Variants in TOX observed in about 807,000 individuals in gnomAD.
The protein encoded by TOX is thymocyte selection-associated high mobility group box protein TOX.
TOX carries 11 observed loss-of-function variants against 53.7 expected under a neutral mutation model. That is an observed-to-expected ratio of 0.20 (90% confidence interval 0.13 to 0.34). The LOEUF (loss-of-function observed/expected upper bound fraction) is 0.34. TOX is among the 10% of genes least tolerant of loss of function. TOX has a pLI of 1.00. For synonymous variants in TOX, 225 were observed against 245.3 expected, an observed-to-expected ratio of 0.92 and a Z score of 0.77; for missense variants, 570 against 664.6, an observed-to-expected ratio of 0.86 and a Z score of 1.56.
At chr8:58,811,374 T>C (rs912361370) in intron 7 of TOX, among the ~76,000 whole-genome samples, 2 of 152,188 alleles carry the variant, frequency 1.3e-5, no homozygotes, top group Non-Finnish European at 2.9e-5. Context: ...ATAGGAAACA[T>C]GATAAAGATT....
At position 59,013,591 on chromosome 8, in the gene TOX, A is replaced by G. The variant is rs1274631436; in HGVS notation, c.103-53583T>C. On this transcript the variant is annotated intron_variant, in intron 1 of 8. Transcript: ENST00000361421. Reference sequence around the variant, plus strand: ...ATGCCCAGCTTATTTTTGTATTTTTAGTAGAGACAGGGTTGCACTACGTTG... The same window carrying G: ...ATGCCCAGCTTATTTTTGTATTTTTGGTAGAGACAGGGTTGCACTACGTTG... Among the ~76,000 whole-genome samples, 2 of 152,224 alleles carry G rather than the reference A, an allele frequency of 1.3e-5. 1 individual carries two copies. The highest frequency in any genetic ancestry group is 4.1e-4 in the South Asian group (2 of 4,822).
intron 2 of TOX, among the ~76,000 whole-genome samples, chr8:58,946,512 G>A (rs544141433): frequency 6.6e-6 from 1 of 152,254 alleles, no homozygotes; most frequent in African/African-American, 2.4e-5. Flanking sequence ...TTAACGCTCA[G>A]CAAGAATTGT....
At chr8:58,880,933 A>G (rs1563378130) in intron 3 of TOX, among the ~76,000 whole-genome samples, 1 of 152,158 alleles carries the variant, frequency 6.6e-6, no homozygotes, top group Non-Finnish European at 1.5e-5. Context: ...GCTAGCCTCT[A>G]AAGAAAACAC....
chr8:59,118,201 G>T lies in TOX; in HGVS notation c.102+685C>A, dbSNP rs1208700352. 6.6e-6 allele frequency among the ~76,000 whole-genome samples: 1 copy of T among 152,208 alleles called. No homozygotes were observed. Among genetic ancestry groups the T allele is most frequent in the South Asian group, 2.1e-4 (1 of 4,828 alleles). Reference sequence around the variant, plus strand: ...CTTTGGACTTGAACGCGACGTGCTCGCCCGGCTCCCAACAAACTTGCAATT... The same window carrying T: ...CTTTGGACTTGAACGCGACGTGCTCTCCCGGCTCCCAACAAACTTGCAATT... On this transcript the variant is annotated intron_variant, in intron 1 of 8. Coordinates refer to ENST00000361421, the MANE Select transcript of TOX (RefSeq NM_014729.3). This position sits in a 1 kb window ranked among gnomAD's most constrained non-coding sequence, Gnocchi z 4.1.
chr8:58,963,339 A>ATAGG (rs1812836132), intron 1 of TOX, among the ~76,000 whole-genome samples: 1 of 151,888 alleles, frequency 6.6e-6, no homozygotes, highest in Non-Finnish European at 1.5e-5. Context: ...AGATAGATAG[A>ATAGG]TAGGTAGATA....
chr8:58,913,080 C>T (rs1043419745), intron 3 of TOX, among the ~76,000 whole-genome samples: 3 of 152,204 alleles, frequency 2.0e-5, no homozygotes, highest in Non-Finnish European at 4.4e-5. Context: ...CATTCATATC[C>T]ATTGAATGAA....
Position 58,838,153 on chromosome 8 carries a change from T to C in TOX, c.852A>G (p.Pro284=), listed in dbSNP as rs1303916627. The C allele has an allele frequency of 6.2e-7, 1 of 1,614,232 alleles. No individual in the cohort carries two copies. Among genetic ancestry groups the C allele is most frequent in the Non-Finnish European group, 8.5e-7 (1 of 1,180,026 alleles). The change falls in exon 5 of 9, where the codon CCA becomes CCG. Residue 284 remains proline, a synonymous_variant. Coordinates refer to ENST00000361421, the MANE Select transcript of TOX (RefSeq NM_014729.3). ...DTQAAIKGQN[P]NATFGEVSKI... is the part of the protein sequence containing the mutation. ...TAGAGACTTCGCCAAAGGTAGCGTT[T>C]GGATTTTGGCCCTTGATGGCGGCCT...
chr8:58,915,853 T>C (rs1812009743), intron 3 of TOX, among the ~76,000 whole-genome samples: 1 of 132,134 alleles, frequency 7.6e-6, no homozygotes, highest in South Asian at 2.8e-4. Flanking sequence ...AGAGAAGTGC[T>C]TAAAGGAGCT....
At chr8:58,839,946 G>C (rs1810616143) in intron 4 of TOX, among the ~76,000 whole-genome samples, 1 of 152,164 alleles carries the variant, frequency 6.6e-6, no homozygotes, top group South Asian at 2.1e-4. Context: ...CCGGGCCTCT[G>C]TTTCCTCTAG....
At chr8:59,012,659 T>C (rs1437552930) in intron 1 of TOX, among the ~76,000 whole-genome samples, 4 of 152,196 alleles carry the variant, frequency 2.6e-5, no homozygotes, top group Non-Finnish European at 5.9e-5. Flanking sequence ...TAAGTTCACA[T>C]TAATCCTCAT....
chr8:59,106,766 G>C (rs1005965085), intron 1 of TOX, among the ~76,000 whole-genome samples: 1 of 152,014 alleles, frequency 6.6e-6, no homozygotes, highest in Non-Finnish European at 1.5e-5. Context: ...CCAACTAACC[G>C]CTCAACAGGA....
intron 3 of TOX, among the ~76,000 whole-genome samples, chr8:58,887,212 AT>A (rs1811483263): frequency 6.6e-6 from 1 of 151,558 alleles, no homozygotes; most frequent in Admixed American, 6.6e-5. Context: ...GTTTTTTCAT[AT>A]TTTATTTAGG....
At chr8:58,828,593 A>G (rs1336766594) in intron 5 of TOX, among the ~76,000 whole-genome samples, 1 of 152,166 alleles carries the variant, frequency 6.6e-6, no homozygotes, top group Non-Finnish European at 1.5e-5. Context: ...TCTTTTTTGG[A>G]AATTCACACG....
rs540410541 is a variant in TOX at position 58,827,591 on chromosome 8, A to G, written c.925-689T>C. Among the ~76,000 whole-genome samples, 3 of 152,306 alleles carry G rather than the reference A, an allele frequency of 2.0e-5. No individual in the cohort carries two copies. In the South Asian group the frequency reaches 6.2e-4, roughly 32 times the overall value. The stretch of plus-strand genomic sequence containing the variant: ...CACTGGATGTCATGGGTCTGTGGAC[A>G]CCTCATTTTGAAAAGGTAAAAGTGT... On this transcript the variant is annotated intron_variant, in intron 5 of 8. Coordinates refer to ENST00000361421, the MANE Select transcript of TOX (RefSeq NM_014729.3).
At chr8:58,843,062 C>G (rs2594962) in intron 4 of TOX, among the ~76,000 whole-genome samples, 1 of 152,238 alleles carries the variant, frequency 6.6e-6, no homozygotes, top group Non-Finnish European at 1.5e-5. Flanking sequence ...GCACTAGACT[C>G]TAAAGCTATG....
At chr8:58,846,681 G>A (rs1290659303) in intron 4 of TOX, among the ~76,000 whole-genome samples, 3 of 152,100 alleles carry the variant, frequency 2.0e-5, no homozygotes, top group African/African-American at 4.8e-5. Context: ...AGGCAAAAAC[G>A]AAGTGAACTC....
At chr8:59,036,792 T>C (rs543674545) in intron 1 of TOX, among the ~76,000 whole-genome samples, 2 of 152,358 alleles carry the variant, frequency 1.3e-5, no homozygotes, top group South Asian at 4.1e-4. Context: ...GTGACTATGA[T>C]GTTATTTGTC....
chr8:59,058,298 T>A (rs1212674616), intron 1 of TOX, among the ~76,000 whole-genome samples: 2 of 152,170 alleles, frequency 1.3e-5, no homozygotes, highest in Admixed American at 1.3e-4. Flanking sequence ...GAGACAGCAC[T>A]GCTTTGGGAG....
intron 5 of TOX, among the ~76,000 whole-genome samples, chr8:58,834,868 C>A (rs930909468): frequency 1.2e-4 from 18 of 152,160 alleles, no homozygotes; most frequent in African/African-American, 4.1e-4. Flanking sequence ...TAAGCAAGAT[C>A]ATCTTTTAGG....
Sources: allele counts gnomAD v4.1 joint callset (sites outside exome capture counted in the v4.1 genomes callset), GRCh38; gene constraint gnomAD v4.1.1; non-coding constraint Gnocchi (gnomAD v3.1); transcripts MANE v1.5; gene names NCBI Gene and HGNC (gene_info 2026-07-23, HGNC 2026-07-21).